Variants in PTCRA observed in about 807,000 individuals in gnomAD.
The protein encoded by PTCRA is pre T cell antigen receptor alpha, also known as pre T-cell antigen receptor alpha.
PTCRA carries 9 observed loss-of-function variants against 13.4 expected under a neutral mutation model. The observed-to-expected ratio is 0.67, with a 90% CI of 0.41 to 1.18. PTCRA has a LOEUF of 1.18. Ranked by LOEUF, PTCRA falls within the 50% of genes most tolerant of loss-of-function variation. The pLI is 0.01. For synonymous variants in PTCRA, 153 were observed against 161.9 expected (o/e 0.94, Z 0.42); for missense variants, 353 against 359.8 (o/e 0.98, Z 0.15).
At position 42,923,236 on chromosome 6, in the gene PTCRA, G is replaced by A. The variant is rs201708224; in HGVS notation, c.268G>A (p.Ala90Thr). ...PATDGTWTNL[A>T]HLSLPSEELA... ...AACGGATGGCACCTGGACCAACTTGGCCCATCTCTCCCTGCCTTCTGAGGA... is the reference window on the plus strand; with the variant it reads ...AACGGATGGCACCTGGACCAACTTGACCCATCTCTCCCTGCCTTCTGAGGA... The change falls in exon 2 of 4, where the codon GCC (alanine) becomes ACC (threonine). Residue 90 changes from alanine to threonine, a missense_variant. By Grantham distance (58) the Ala-to-Thr change is moderately conservative (BLOSUM62 0). Transcript: ENST00000304672. The A allele has an allele frequency of 5.0e-5, 80 of 1,614,112 alleles. No individual in the cohort carries two copies. The East Asian group carries it at 1.6e-3, about 33-fold the overall frequency.
intron 1 of PTCRA, among the ~76,000 whole-genome samples, chr6:42,919,621 G>A (rs1401577750): frequency 1.3e-5 from 2 of 150,150 alleles, no homozygotes; most frequent in South Asian, 2.1e-4. Context: ...GAAGGCTGAG[G>A]TGGGAGGACT....
At chr6:42,924,133 C>T in intron 2 of PTCRA, 96 bp from the exon 3 acceptor site, 1 of 1,109,542 alleles carries the variant, frequency 9.0e-7, no homozygotes, top group East Asian at 2.6e-5. Flanking sequence ...TGCCTCGACA[C>T]CCACCCTGTG....
chr6:42,925,122 T>G lies in PTCRA; in HGVS notation c.425-139T>G, dbSNP rs1248411667. 1 of 1,128,912 alleles carries G rather than the reference T, an allele frequency of 8.9e-7. No homozygotes were observed. Among genetic ancestry groups the G allele is most frequent in the East Asian group, 2.6e-5 (1 of 38,684 alleles). 69.9% of individuals were successfully genotyped at this position (1,128,912 alleles called of 1,614,324 possible). A position where few individuals can be genotyped will look rare whatever the true frequency, so the allele number is the denominator to read the frequency against. ...TATTATTACCAGTAAGAACGGAGGC[T>G]AGACACCGGGAAGGACTTTCCCTGG... On this transcript the variant is annotated intron_variant, in intron 3 of 3. Transcript: ENST00000304672. This position sits in a 1 kb window ranked among gnomAD's most constrained non-coding sequence, Gnocchi z 4.4.
In PTCRA at chr6:42,925,435, C is replaced by A. The variant is rs1205348125; in HGVS notation, c.599C>A (p.Thr200Lys). Residue 200 changes from threonine (T) to lysine (K), a missense_variant, in exon 4 of 4, where the codon ACG (threonine) becomes AAG (lysine). Transcript: ENST00000304672. The surrounding 1 kb of genome is among the most constrained non-coding windows in gnomAD (Gnocchi z 4.4). Reference sequence around the variant, plus strand: ...GGCTCCCATCGACTGCACCCGGCCACGGAGACTGGGGGACGAGAGGCCACC... The same window carrying A: ...GGCTCCCATCGACTGCACCCGGCCAAGGAGACTGGGGGACGAGAGGCCACC... ...ALGSHRLHPATETGGREATSS... is the reference protein window; with the variant it reads ...ALGSHRLHPAKETGGREATSS... 3.9e-6 allele frequency: 6 copies of A among 1,555,580 alleles called. No homozygotes were observed. In the East Asian group the frequency reaches 1.5e-4, roughly 38 times the overall value.
At position 42,925,089 on chromosome 6, in the gene PTCRA, A is replaced by G; in HGVS notation, c.425-172A>G. ...GGAATAAAATAAAATGAAGGCCAGG[A>G]AGGTATGTATTATTACCAGTAAGAA... On this transcript the variant is annotated intron_variant, in intron 3 of 3. Coordinates refer to ENST00000304672, the MANE Select transcript of PTCRA (RefSeq NM_138296.3). The surrounding 1 kb of genome is among the most constrained non-coding windows in gnomAD (Gnocchi z 4.4). The G allele has an allele frequency of 2.4e-6, 2 of 821,690 alleles. No homozygotes were observed. The highest frequency in any genetic ancestry group is 1.8e-6 in the Non-Finnish European group (1 of 541,788). The allele number at this position is 821,690 out of a possible 1,614,324, so 50.9% of individuals were successfully genotyped here.
intron 1 of PTCRA, among the ~76,000 whole-genome samples, chr6:42,921,932 G>A (rs1185293016): frequency 6.6e-6 from 1 of 151,656 alleles, no homozygotes; most frequent in Non-Finnish European, 1.5e-5. Flanking sequence ...GGCTGAGGCA[G>A]AAGAATGGCT....
At position 42,925,518 on chromosome 6, in the gene PTCRA, A is replaced by G; in HGVS notation, c.682A>G (p.Lys228Glu). 1 of 1,577,822 alleles carries G rather than the reference A, an allele frequency of 6.3e-7. No homozygotes were observed. Among genetic ancestry groups the G allele is most frequent in the Non-Finnish European group, 8.6e-7 (1 of 1,160,668 alleles). The change falls in exon 4 of 4, where the codon AAG becomes GAG. Residue 228 changes from lysine to glutamate, a missense_variant. Transcript: ENST00000304672. This position sits in a 1 kb window ranked among gnomAD's most constrained non-coding sequence, Gnocchi z 4.4. ...CTGGGGTGACACCCCTCCGGGTCGGAAGCCCGGGAGCCCAGTATGGGGGGA... is the reference window on the plus strand; with the variant it reads ...CTGGGGTGACACCCCTCCGGGTCGGGAGCCCGGGAGCCCAGTATGGGGGGA... ...RRWGDTPPGR[K>E]PGSPVWGEGS...
Position 42,923,343 on chromosome 6 carries a change from G to T in PTCRA, c.375G>T (p.Leu125=), listed in dbSNP as rs1160344361. ...GCAGGAGTACACAGCCCATGCATCT[G>T]TCAGGTGGGGATGGAGCCTGGGCCC... is the stretch of plus-strand genomic sequence containing the variant. ...GHSRSTQPMH[L]SGEASTARTC... Residue 125 remains leucine, a synonymous_variant, in exon 2 of 4, where the codon CTG becomes CTT. Coordinates refer to ENST00000304672, the MANE Select transcript of PTCRA (RefSeq NM_138296.3). 1.2e-6 allele frequency: 2 copies of T among 1,613,898 alleles called. No homozygotes were observed. Among genetic ancestry groups the T allele is most frequent in the African/African-American group, 1.3e-5 (1 of 75,054 alleles).
At chr6:42,922,272 A>T (rs1453211814) in intron 1 of PTCRA, 3 of 701,252 alleles carry the variant, frequency 4.3e-6, no homozygotes, top group Non-Finnish European at 7.8e-6. Context: ...TATTACAAGT[A>T]TTTTTTTTAC....
chr6:42,920,727 G>C (rs892317863), intron 1 of PTCRA, among the ~76,000 whole-genome samples: 4 of 151,594 alleles, frequency 2.6e-5, no homozygotes, highest in African/African-American at 9.7e-5. Flanking sequence ...GCCCAGCCAT[G>C]ACTTAGTTCT....
intron 1 of PTCRA, among the ~76,000 whole-genome samples, chr6:42,922,062 G>C (rs1341959583): frequency 6.6e-6 from 1 of 151,706 alleles, no homozygotes; most frequent in Non-Finnish European, 1.5e-5. Flanking sequence ...AAAACTACAG[G>C]CTACAGAAAA....
chr6:42,920,612 A>G (rs1327472904), intron 1 of PTCRA, among the ~76,000 whole-genome samples: 1 of 151,656 alleles, frequency 6.6e-6, no homozygotes, highest in Admixed American at 6.6e-5. Flanking sequence ...TTTTTAGTAG[A>G]GACGGGGTTT....
chr6:42,921,734 A>C (rs1328876844), intron 1 of PTCRA, among the ~76,000 whole-genome samples: 4 of 51,004 alleles, frequency 7.8e-5, no homozygotes, highest in Admixed American at 1.7e-4. Context: ...TTTTTTTTTC[A>C]AAAAAAAAAA....
At chr6:42,919,916 C>T (rs1767065698) in intron 1 of PTCRA, among the ~76,000 whole-genome samples, 1 of 150,196 alleles carries the variant, frequency 6.7e-6, no homozygotes. Context: ...TGTTGTGACA[C>T]GTGCCTGTGG....
rs200220881 is a variant in PTCRA, at chr6:42,924,285, G to T, written c.424+12G>T. 6.2e-7 allele frequency: 1 copy of T among 1,611,740 alleles called. No individual in the cohort carries two copies. The highest frequency in any genetic ancestry group is 2.2e-5 in the East Asian group (1 of 44,782). ...GGAGCCTCTCAGGGGTGAGTACTCCGGGCAAGGGGTGGGGAATAAGAGGCT... is the reference window on the plus strand; with the variant it reads ...GGAGCCTCTCAGGGGTGAGTACTCCTGGCAAGGGGTGGGGAATAAGAGGCT... On this transcript the variant is annotated intron_variant, in intron 3 of 3. Transcript: ENST00000304672.
In PTCRA at chr6:42,923,163, C is replaced by G. The variant is rs137970521; in HGVS notation, c.195C>G (p.Ala65=). The change falls in exon 2 of 4, where the codon GCC becomes GCG. Residue 65 remains alanine, a synonymous_variant. Coordinates refer to ENST00000304672, the MANE Select transcript of PTCRA (RefSeq NM_138296.3). Reference sequence around the variant, plus strand: ...TTGACAGCCCCATCTGGTTCTCAGCCGGCAATGGCAGTGCACTGGATGCCT... The same window carrying G: ...TTGACAGCCCCATCTGGTTCTCAGCGGGCAATGGCAGTGCACTGGATGCCT... ...PGLDSPIWFS[A]GNGSALDAFT... 6.2e-7 allele frequency: 1 copy of G among 1,614,114 alleles called. No individual in the cohort carries two copies. The highest frequency in any genetic ancestry group is 1.7e-5 in the Admixed American group (1 of 60,010).
chr6:42,925,524 G>A lies in PTCRA; in HGVS notation c.688G>A (p.Gly230Arg), dbSNP rs769966432. 5.1e-6 allele frequency: 8 copies of A among 1,581,238 alleles called. No individual in the cohort carries two copies. Among genetic ancestry groups the A allele is most frequent in the South Asian group, 2.3e-5 (2 of 86,762 alleles). ...TGACACCCCTCCGGGTCGGAAGCCC[G>A]GGAGCCCAGTATGGGGGGAAGGGTC... is the stretch of plus-strand genomic sequence containing the variant. Reference protein sequence around the residue: ...WGDTPPGRKPGSPVWGEGSYL... With the variant: ...WGDTPPGRKPRSPVWGEGSYL... The change falls in exon 4 of 4, where the codon GGG (glycine) becomes AGG (arginine). Residue 230 changes from glycine (G) to arginine (R), a missense_variant. Coordinates refer to ENST00000304672, the MANE Select transcript of PTCRA (RefSeq NM_138296.3). This position sits in a 1 kb window ranked among gnomAD's most constrained non-coding sequence, Gnocchi z 4.4.
chr6:42,916,094 C>A lies in PTCRA; in HGVS notation c.25C>A (p.Leu9Ile). Residue 9 changes from leucine (L) to isoleucine (I), a missense_variant, in exon 1 of 4, where the codon CTC (leucine) becomes ATC (isoleucine). By Grantham distance (5) the Leu-to-Ile change is conservative (BLOSUM62 2). Coordinates refer to ENST00000304672, the MANE Select transcript of PTCRA (RefSeq NM_138296.3). ...CATGGCCGGTACATGGCTGCTACTT[C>A]TCCTGGCCCTTGGGTGTCCAGCCCT... MAGTWLLL[L>I]LALGCPALPT... is the part of the protein sequence containing the mutation. 6.2e-7 allele frequency: 1 copy of A among 1,614,062 alleles called. No individual in the cohort carries two copies. Among genetic ancestry groups the A allele is most frequent in the East Asian group, 2.2e-5 (1 of 44,882 alleles).
At position 42,925,158 on chromosome 6, in the gene PTCRA, G is replaced by A. The variant is rs1458382641; in HGVS notation, c.425-103G>A. 2 of 1,441,134 alleles carry A rather than the reference G, an allele frequency of 1.4e-6. No individual in the cohort carries two copies. The highest frequency in any genetic ancestry group is 1.8e-6 in the Non-Finnish European group (2 of 1,087,992). 89.3% of individuals were successfully genotyped at this position (1,441,134 alleles called of 1,614,324 possible). On this transcript the variant is annotated intron_variant, in intron 3 of 3. Transcript: ENST00000304672. The surrounding 1 kb of genome is among the most constrained non-coding windows in gnomAD (Gnocchi z 4.4). ...AAGGACTTTCCCTGGAGGAGGGGGT[G>A]AAGGGGACGGGCAAGGGCAGAGGAC... is the stretch of plus-strand genomic sequence containing the variant.
Sources: allele counts gnomAD v4.1 joint callset (sites outside exome capture counted in the v4.1 genomes callset), GRCh38; gene constraint gnomAD v4.1.1; non-coding constraint Gnocchi (gnomAD v3.1); transcripts MANE v1.5; gene names NCBI Gene and HGNC (gene_info 2026-07-23, HGNC 2026-07-21).